TMED5: variants seen among roughly 807,000 people sequenced by gnomAD.
The protein encoded by TMED5 is transmembrane emp24 domain-containing protein 5.
TMED5 carries 27 observed loss-of-function variants against 23.0 expected under a neutral mutation model. The ratio of observed to expected loss-of-function variants is 1.17; its 90% CI spans 0.86 to 1.62. TMED5 has a LOEUF of 1.62. Ranked by LOEUF, TMED5 falls within the 40% of genes most tolerant of loss-of-function variation. TMED5 has a pLI of 0.00. For synonymous variants in TMED5, 97 were observed against 100.8 expected, an observed-to-expected ratio of 0.96 and a Z score of 0.23; for missense variants, 248 against 273.7, an observed-to-expected ratio of 0.91 and a Z score of 0.66.
chr1:93,153,247 T>C lies in TMED5; in HGVS notation c.*1423A>G, dbSNP rs1038750253. 4.6e-5 allele frequency: 7 copies of C among 152,344 alleles called. No individual in the cohort carries two copies. The highest frequency in any genetic ancestry group is 1.7e-4 in the African/African-American group (7 of 41,468). 9.4% of individuals were successfully genotyped at this position (152,344 alleles called of 1,614,324 possible). ...CCCCCATAGACTTCAAAAAGCTAGA[T>C]GGCAGAAACTTTGTTGTATATATGG... is the stretch of plus-strand genomic sequence containing the variant. On this transcript the variant is annotated 3_prime_UTR_variant, in exon 4 of 4. Transcript: ENST00000370282.
intron 1 of TMED5, among the ~76,000 whole-genome samples, chr1:93,164,169 C>T (rs572551863): frequency 6.6e-6 from 1 of 151,986 alleles, no homozygotes; most frequent in East Asian, 1.9e-4. Context: ...TACAGATAAC[C>T]GAAAAGCCCT....
chr1:93,158,852 C>T (rs1260385267), intron 2 of TMED5: 20 of 917,522 alleles, frequency 2.2e-5, no homozygotes, highest in Non-Finnish European at 2.5e-5. Context: ...AGGCGTGAAC[C>T]GCAGTGCCTG....
intron 1 of TMED5, among the ~76,000 whole-genome samples, chr1:93,179,313 G>A (rs1352090814): frequency 1.4e-5 from 2 of 141,618 alleles, no homozygotes; most frequent in African/African-American, 5.3e-5. Context: ...AATGAGCCGA[G>A]ATAGCGCCAC....
At chr1:93,160,262 C>A (rs1454481029) in intron 1 of TMED5, 36 bp from the exon 2 acceptor site, 2 of 1,312,108 alleles carry the variant, frequency 1.5e-6, no homozygotes, top group South Asian at 2.4e-5. Context: ...ACATATATTA[C>A]AAATTCTGGA....
At chr1:93,170,822 T>C (rs1648700274) in intron 1 of TMED5, among the ~76,000 whole-genome samples, 1 of 152,178 alleles carries the variant, frequency 6.6e-6, no homozygotes, top group Non-Finnish European at 1.5e-5. Flanking sequence ...GCTAATCTAG[T>C]GGAAAACTTT....
At chr1:93,173,665 G>T (rs1648808280) in intron 1 of TMED5, among the ~76,000 whole-genome samples, 1 of 152,204 alleles carries the variant, frequency 6.6e-6, no homozygotes, top group Admixed American at 6.5e-5. Context: ...TTTAAGAAAA[G>T]TCAAGAGAGC....
chr1:93,156,517 T>A (rs773073597), intron 2 of TMED5, 34 bp from the exon 3 acceptor site: 1 of 1,546,688 alleles, frequency 6.5e-7, no homozygotes, highest in Non-Finnish European at 8.9e-7. Flanking sequence ...TTAAGTTACC[T>A]GTATTTCTAT....
rs1267205376 is a variant in TMED5, at chr1:93,150,606, T to G, written c.*4064A>C. The stretch of plus-strand genomic sequence containing the variant: ...GTCCACTTATCCAATTTCTCTTGCA[T>G]CCTAGCAAAACAACTCTAAAATTTA... On this transcript the variant is annotated 3_prime_UTR_variant, in exon 4 of 4. Coordinates refer to ENST00000370282, the MANE Select transcript of TMED5 (RefSeq NM_016040.5). 6.6e-6 allele frequency: 1 copy of G among 152,252 alleles called. No homozygotes were observed. The highest frequency in any genetic ancestry group is 1.9e-4 in the East Asian group (1 of 5,202). The allele number at this position is 152,252 out of a possible 1,614,324, so 9.4% of individuals were successfully genotyped here. A position where few individuals can be genotyped will look rare whatever the true frequency, so the allele number is the denominator to read the frequency against.
intron 1 of TMED5, among the ~76,000 whole-genome samples, chr1:93,169,882 T>TGTACACACAC (rs111584144): frequency 7.7e-6 from 1 of 130,502 alleles, no homozygotes; most frequent in Non-Finnish European, 1.6e-5. Flanking sequence ...ACCCTGTCTG[T>TGTACACACAC]ACACACACAC....
At chr1:93,173,881 T>A (rs1648816574) in intron 1 of TMED5, among the ~76,000 whole-genome samples, 1 of 152,202 alleles carries the variant, frequency 6.6e-6, no homozygotes, top group African/African-American at 2.4e-5. Context: ...TATGTTTTTA[T>A]GAGTATGGGA....
At chr1:93,160,262 C>G (rs1454481029) in intron 1 of TMED5, 36 bp from the exon 2 acceptor site, 4 of 1,312,108 alleles carry the variant, frequency 3.0e-6, no homozygotes, top group Middle Eastern at 2.3e-4. Context: ...ACATATATTA[C>G]AAATTCTGGA....
intron 1 of TMED5, among the ~76,000 whole-genome samples, chr1:93,165,874 A>G (rs887810166): frequency 2.0e-5 from 3 of 152,148 alleles, no homozygotes; most frequent in Admixed American, 1.3e-4. Context: ...TTTGTACCCA[A>G]TAACCATCTC....
In TMED5 at chr1:93,154,615, G is replaced by GTT; in HGVS notation, c.*53_*54dup. 7.8e-7 allele frequency: 1 copy of GTT among 1,286,580 alleles called. No individual in the cohort carries two copies. Among genetic ancestry groups the GTT allele is most frequent in the Non-Finnish European group, 1.1e-6 (1 of 900,090 alleles). The allele number at this position is 1,286,580 out of a possible 1,614,324, so 79.7% of individuals were successfully genotyped here. On this transcript the variant is annotated 3_prime_UTR_variant, in exon 4 of 4. Coordinates refer to ENST00000370282, the MANE Select transcript of TMED5 (RefSeq NM_016040.5). ...ACCATTAATGGTCTTGACTGTAACA[G>GTT]TTTATTGCATTTTTATGCCTCATTT...
rs1029453612 is a variant in TMED5 at position 93,153,493 on chromosome 1, A to G, written c.*1177T>C. ...ATTCAAACCAGAATTCTTGTAGAAA[A>G]TAAAAACCTACAGCCAAAGTTTCTT... On this transcript the variant is annotated 3_prime_UTR_variant, in exon 4 of 4. Transcript: ENST00000370282. 13 of 152,182 alleles carry G rather than the reference A, an allele frequency of 8.5e-5. 1 individual carries two copies. The highest frequency in any genetic ancestry group is 6.5e-4 in the Admixed American group (10 of 15,284). The allele number at this position is 152,182 out of a possible 1,614,324, so 9.4% of individuals were successfully genotyped here. A position where few individuals can be genotyped will look rare whatever the true frequency, so the allele number is the denominator to read the frequency against.
rs1300707419 is a variant in TMED5 at position 93,152,312 on chromosome 1, TG to T, written c.*2357del. The T allele has an allele frequency of 1.3e-5, 2 of 152,582 alleles. No homozygotes were observed. Among genetic ancestry groups the T allele is most frequent in the East Asian group, 3.8e-4 (2 of 5,200 alleles). 9.5% of individuals were successfully genotyped at this position (152,582 alleles called of 1,614,324 possible). A position where few individuals can be genotyped will look rare whatever the true frequency, so the allele number is the denominator to read the frequency against. ...GTATATTGAAAAAGACAAAATGAGC[TG>T]TTAAGTGATAAACAGCTTACTCAAT... is the stretch of plus-strand genomic sequence containing the variant. On this transcript the variant is annotated 3_prime_UTR_variant, in exon 4 of 4. Transcript: ENST00000370282.
Position 93,152,811 on chromosome 1 carries a change from G to A in TMED5, c.*1859C>T, listed in dbSNP as rs1489257515. 9 of 152,362 alleles carry A rather than the reference G, an allele frequency of 5.9e-5. No individual in the cohort carries two copies. The South Asian group carries it at 1.7e-3, about 28-fold the overall frequency. The allele number at this position is 152,362 out of a possible 1,614,324, so 9.4% of individuals were successfully genotyped here. A position where few individuals can be genotyped will look rare whatever the true frequency, so the allele number is the denominator to read the frequency against. On this transcript the variant is annotated 3_prime_UTR_variant, in exon 4 of 4. Coordinates refer to ENST00000370282, the MANE Select transcript of TMED5 (RefSeq NM_016040.5). ...CAAATTTAACAGCGCAAAAGGGAGGGGTATTCATAGGCAAGGATCTTATTG... is the reference window on the plus strand; with the variant it reads ...CAAATTTAACAGCGCAAAAGGGAGGAGTATTCATAGGCAAGGATCTTATTG...
In TMED5 at chr1:93,154,830, A is replaced by G; in HGVS notation, c.530T>C (p.Leu177Pro). 1 of 1,614,152 alleles carries G rather than the reference A, an allele frequency of 6.2e-7. No individual in the cohort carries two copies. The highest frequency in any genetic ancestry group is 8.5e-7 in the Non-Finnish European group (1 of 1,179,964). Residue 177 changes from leucine to proline, a missense_variant, in exon 4 of 4, where the codon CTT becomes CCT. Physicochemically the swap from Leu to Pro is moderately conservative, Grantham distance 98 (BLOSUM62 -3). Coordinates refer to ENST00000370282, the MANE Select transcript of TMED5 (RefSeq NM_016040.5). The part of the protein sequence containing the change: ...LSKSGHIQTL[L>P]RAFEARDRNI... ...TCGATCACGAGCTTCAAATGCTCTA[A>G]GCAGAGTTTGTATGTGCCCACTTTT...
chr1:93,172,986 G>T (rs1428039867), intron 1 of TMED5, among the ~76,000 whole-genome samples: 1 of 152,130 alleles, frequency 6.6e-6, no homozygotes, highest in Non-Finnish European at 1.5e-5. Context: ...GGAATTCCTA[G>T]AATTCCATAC....
In TMED5 at chr1:93,180,066, C is replaced by T; in HGVS notation, c.177G>A (p.Glu59=). Residue 59 remains glutamate, a synonymous_variant, in exon 1 of 4, where the codon GAG becomes GAA. Transcript: ENST00000370282. ...YQPMPLKASL[E]IEYQVLDGAG... ...CCTCCGCACTTACTTGGTACTCGAT[C>T]TCCAGCGAGGCCTTCAGGGGCATGG... 3.1e-6 allele frequency: 5 copies of T among 1,613,086 alleles called. No homozygotes were observed. The highest frequency in any genetic ancestry group is 3.4e-6 in the Non-Finnish European group (4 of 1,179,522).
Sources: gnomAD v4.1 joint callset for allele counts (sites outside exome capture counted in the v4.1 genomes callset) on GRCh38, gnomAD v4.1.1 for gene constraint, MANE v1.5 for transcripts, NCBI Gene and HGNC (gene_info 2026-07-23, HGNC 2026-07-21) for gene names.